Variants in CTLA4 observed in about 807,000 individuals in gnomAD.
The protein encoded by CTLA4 is cytotoxic T-lymphocyte associated protein 4, also known as cytotoxic T-lymphocyte protein 4.
In CTLA4, 3 loss-of-function variants were observed where a neutral mutation model predicts 20.4. That is an observed-to-expected ratio of 0.15 (90% CI 0.07 to 0.38). CTLA4 has a LOEUF of 0.38. Ranked by LOEUF, CTLA4 falls within the 10% of genes least tolerant of loss-of-function variation. CTLA4 has a pLI of 1.00. For missense variants in CTLA4, 184 were observed against 276.8 expected (o/e 0.66, Z 2.38); for synonymous variants, 100 against 105.2 (o/e 0.95, Z 0.30).
chr2:203,868,727 G>T (rs1231999562), intron 1 of CTLA4, among the ~76,000 whole-genome samples: 1 of 151,998 alleles, frequency 6.6e-6, no homozygotes, highest in East Asian at 1.9e-4. Context: ...CTTAATTGTT[G>T]CCTGACCTAC....
chr2:203,867,774 T>G lies in CTLA4; in HGVS notation c.-169T>G, dbSNP rs1688654101. On this transcript the variant is annotated 5_prime_UTR_variant, in exon 1 of 4. Transcript: ENST00000648405. ...CTCGTAAAACCAAAACAAAAAGGCTTTCTATTCAAGTGCCTTCTGTGTGTG... is the reference window on the plus strand; with the variant it reads ...CTCGTAAAACCAAAACAAAAAGGCTGTCTATTCAAGTGCCTTCTGTGTGTG... 1 of 476,562 alleles carries G rather than the reference T, an allele frequency of 2.1e-6. No individual in the cohort carries two copies. Among genetic ancestry groups the G allele is most frequent in the African/African-American group, 1.9e-5 (1 of 51,696 alleles). 29.5% of individuals were successfully genotyped at this position (476,562 alleles called of 1,614,324 possible).
At position 203,870,282 on chromosome 2, in the gene CTLA4, C is replaced by T. The variant is rs550168522; in HGVS notation, c.110-304C>T. ...AAGGACATGGGGGAAGTGTGACTTG[C>T]CCCAAATCACATATTTCATGGTAGA... On this transcript the variant is annotated intron_variant, in intron 1 of 3. Transcript: ENST00000648405. The surrounding 1 kb of genome is among the most constrained non-coding windows in gnomAD (Gnocchi z 5.3). 1.8e-4 allele frequency: 77 copies of T among 424,982 alleles called. No individual in the cohort carries two copies. In the South Asian group the frequency reaches 1.9e-3, roughly 11 times the overall value. The allele number at this position is 424,982 out of a possible 1,614,324, so 26.3% of individuals were successfully genotyped here. A position where few individuals can be genotyped will look rare whatever the true frequency, so the allele number is the denominator to read the frequency against.
chr2:203,870,274 G>T lies in CTLA4; in HGVS notation c.110-312G>T. 2.4e-6 allele frequency: 1 copy of T among 408,728 alleles called. No homozygotes were observed. Among genetic ancestry groups the T allele is most frequent in the Non-Finnish European group, 4.5e-6 (1 of 223,454 alleles). The allele number at this position is 408,728 out of a possible 1,614,324, so 25.3% of individuals were successfully genotyped here. A position where few individuals can be genotyped will look rare whatever the true frequency, so the allele number is the denominator to read the frequency against. On this transcript the variant is annotated intron_variant, in intron 1 of 3. Transcript: ENST00000648405. This position sits in a 1 kb window ranked among gnomAD's most constrained non-coding sequence, Gnocchi z 5.3. Reference sequence around the variant, plus strand: ...AAAAAATGAAGGACATGGGGGAAGTGTGACTTGCCCCAAATCACATATTTC... The same window carrying T: ...AAAAAATGAAGGACATGGGGGAAGTTTGACTTGCCCCAAATCACATATTTC...
Position 203,873,290 on chromosome 2 carries a change from T to C in CTLA4, c.*478T>C. The C allele has an allele frequency of 1.1e-5, 4 of 366,650 alleles. No individual in the cohort carries two copies. The highest frequency in any genetic ancestry group is 1.9e-5 in the Non-Finnish European group (4 of 208,342). The allele number at this position is 366,650 out of a possible 1,614,324, so 22.7% of individuals were successfully genotyped here. A position where few individuals can be genotyped will look rare whatever the true frequency, so the allele number is the denominator to read the frequency against. The stretch of plus-strand genomic sequence containing the variant: ...TTCAAAAATACTCACATGGCTATGT[T>C]TTAGCCAGTGATGCTAAAGGTTGTA... On this transcript the variant is annotated 3_prime_UTR_variant, in exon 4 of 4. Coordinates refer to ENST00000648405, the MANE Select transcript of CTLA4 (RefSeq NM_005214.5).
In CTLA4 at chr2:203,867,991, A is replaced by G. The variant is rs231775; in HGVS notation, c.49A>G (p.Thr17Ala). ...QRHKAQLNLA[T>A]RTWPCTLLFF... ...GCACAAGGCTCAGCTGAACCTGGCT[A>G]CCAGGACCTGGCCCTGCACTCTCCT... The change falls in exon 1 of 4, where the codon ACC (threonine) becomes GCC (alanine). Residue 17 changes from threonine to alanine, a missense_variant. Physicochemically the swap from Thr to Ala is moderately conservative, Grantham distance 58 (BLOSUM62 0). Around this residue, in one of 3 missense-constraint regions of CTLA4, gnomAD observed 35 missense variants for 36.6 expected, o/e 0.96. Transcript: ENST00000648405. 0.39 allele frequency: 634,759 copies of G among 1,613,082 alleles called. 128,827 individuals carry two copies. Among genetic ancestry groups the G allele is most frequent in the East Asian group, 0.64 (28,920 of 44,840 alleles).
chr2:203,872,566 TCTC>T lies in CTLA4; in HGVS notation c.568-139_568-137del. 6.5e-6 allele frequency: 3 copies of T among 459,998 alleles called. No homozygotes were observed. In the Admixed American group the frequency reaches 1.1e-4, roughly 17 times the overall value. 28.5% of individuals were successfully genotyped at this position (459,998 alleles called of 1,614,324 possible). A position where few individuals can be genotyped will look rare whatever the true frequency, so the allele number is the denominator to read the frequency against. On this transcript the variant is annotated intron_variant, in intron 3 of 3. Coordinates refer to ENST00000648405, the MANE Select transcript of CTLA4 (RefSeq NM_005214.5). ...AATTTTAATAGCTGAATCAAGAAAA[TCTC>T]CTGAGGTTTATAATTCTGTATGCTG...
intron 3 of CTLA4, 141 bp from the exon 4 acceptor site, chr2:203,872,567 C>A: frequency 2.1e-6 from 1 of 470,568 alleles, no homozygotes; most frequent in East Asian, 3.1e-5. Flanking sequence ...TCAAGAAAAT[C>A]TCCTGAGGTT....
At chr2:203,868,275 G>A (rs187201888) in intron 1 of CTLA4, among the ~76,000 whole-genome samples, 1 of 152,286 alleles carries the variant, frequency 6.6e-6, no homozygotes, top group Admixed American at 6.5e-5. Context: ...GTATTTAGTA[G>A]GGGCTTCATG....
rs963824682 is a variant in CTLA4, at chr2:203,871,435, C to T, written c.515C>T (p.Ser172Leu). 1.5e-5 allele frequency: 25 copies of T among 1,614,006 alleles called. No homozygotes were observed. Among genetic ancestry groups the T allele is most frequent in the African/African-American group, 5.3e-5 (4 of 74,906 alleles). ...CTCTGGATCCTTGCAGCAGTTAGTT[C>T]GGGGTTGTTTTTTTATAGCTTTCTC... ...FLLWILAAVS[S>L]GLFFYSFLLT... The change falls in exon 3 of 4, where the codon TCG becomes TTG. Residue 172 changes from serine (S) to leucine (L), a missense_variant. Transcript: ENST00000648405.
At position 203,873,226 on chromosome 2, in the gene CTLA4, C is replaced by G. The variant is rs987597018; in HGVS notation, c.*414C>G. ...TGATCTTTTCAAGTTAAATTTTATG[C>G]CTTTTATTTCTTAAACAAATGTATG... On this transcript the variant is annotated 3_prime_UTR_variant, in exon 4 of 4. Transcript: ENST00000648405. The G allele has an allele frequency of 2.5e-6, 1 of 401,474 alleles. No homozygotes were observed. Among genetic ancestry groups the G allele is most frequent in the East Asian group, 3.5e-5 (1 of 28,250 alleles). 24.9% of individuals were successfully genotyped at this position (401,474 alleles called of 1,614,324 possible). A position where few individuals can be genotyped will look rare whatever the true frequency, so the allele number is the denominator to read the frequency against.
chr2:203,869,025 G>A (rs553452906), intron 1 of CTLA4, among the ~76,000 whole-genome samples: 6 of 152,284 alleles, frequency 3.9e-5, no homozygotes, highest in African/African-American at 1.4e-4. Flanking sequence ...ATTTCCTAAA[G>A]TAAATTTATC....
rs775877536 is a variant in CTLA4 at position 203,870,728 on chromosome 2, CTG to C, written c.255_256del (p.Ala86GlyfsTer8). On this transcript the variant is annotated frameshift_variant, in exon 2 of 4. Transcript: ENST00000648405. LOFTEE classifies it high-confidence loss of function. The surrounding 1 kb of genome is among the most constrained non-coding windows in gnomAD (Gnocchi z 5.3). ...AGGCTGACAGCCAGGTGACTGAAGT[CTG>C]TGCGGCAACCTACATGATGGGGAAT... is the stretch of plus-strand genomic sequence containing the variant. The part of the protein sequence containing the change: ...RQADSQVTEV[C>X]AATYMMGNEL... 1 of 1,614,196 alleles carries C rather than the reference CTG, an allele frequency of 6.2e-7. No homozygotes were observed. The highest frequency in any genetic ancestry group is 8.5e-7 in the Non-Finnish European group (1 of 1,180,034).
chr2:203,870,565 C>T lies in CTLA4; in HGVS notation c.110-21C>T. 1 of 1,609,068 alleles carries T rather than the reference C, an allele frequency of 6.2e-7. No individual in the cohort carries two copies. The highest frequency in any genetic ancestry group is 1.7e-5 in the Admixed American group (1 of 59,904). On this transcript the variant is annotated intron_variant, in intron 1 of 3. Coordinates refer to ENST00000648405, the MANE Select transcript of CTLA4 (RefSeq NM_005214.5). The surrounding 1 kb of genome is among the most constrained non-coding windows in gnomAD (Gnocchi z 5.3). ...GAAGGAGCATGAGTTCACTGAGTTC[C>T]CTTTGGCTTTTCCATGCTAGCAATG...
At chr2:203,871,591 G>T in intron 3 of CTLA4, 104 bp downstream of exon 3, 2 of 900,590 alleles carry the variant, frequency 2.2e-6, no homozygotes, top group Admixed American at 1.8e-5. Flanking sequence ...GATGAGATGA[G>T]GCAATAAATG....
At chr2:203,872,619 G>A in intron 3 of CTLA4, 89 bp from the exon 4 acceptor site, 1 of 734,198 alleles carries the variant, frequency 1.4e-6, no homozygotes, top group Non-Finnish European at 2.4e-6. Context: ...TAACCAGCTA[G>A]GGACCCAATA....
chr2:203,873,648 C>T lies in CTLA4; in HGVS notation c.*836C>T, dbSNP rs900301761. The T allele has an allele frequency of 4.6e-6, 1 of 219,432 alleles. No homozygotes were observed. The highest frequency in any genetic ancestry group is 6.7e-5 in the East Asian group (1 of 14,846). The allele number at this position is 219,432 out of a possible 1,614,324, so 13.6% of individuals were successfully genotyped here. A position where few individuals can be genotyped will look rare whatever the true frequency, so the allele number is the denominator to read the frequency against. ...GTGCTTTGGGGCTTTTACACCAGTT[C>T]CTTTCAATGGTTTGCAAGGAAGCCA... On this transcript the variant is annotated 3_prime_UTR_variant, in exon 4 of 4. Transcript: ENST00000648405.
intron 1 of CTLA4, among the ~76,000 whole-genome samples, chr2:203,868,600 TAATC>T (rs1360681764): frequency 7.2e-5 from 11 of 152,052 alleles, no homozygotes; most frequent in African/African-American, 2.7e-4. Context: ...AAGGTTCTCT[TAATC>T]AATTCTACTA....
rs983893214 is a variant in CTLA4, at chr2:203,870,363, A to T, written c.110-223A>T. 1.7e-5 allele frequency: 10 copies of T among 575,376 alleles called. No homozygotes were observed. The highest frequency in any genetic ancestry group is 1.7e-4 in the African/African-American group (9 of 53,278). 35.6% of individuals were successfully genotyped at this position (575,376 alleles called of 1,614,324 possible). On this transcript the variant is annotated intron_variant, in intron 1 of 3. Coordinates refer to ENST00000648405, the MANE Select transcript of CTLA4 (RefSeq NM_005214.5). This position sits in a 1 kb window ranked among gnomAD's most constrained non-coding sequence, Gnocchi z 5.3. ...CTTCCTGCCACAACCATCTTGAAGA[A>T]TCTATTTCTCAGTAAGAAAATATCT... is the stretch of plus-strand genomic sequence containing the variant.
chr2:203,870,480 G>C lies in CTLA4; in HGVS notation c.110-106G>C. 1 of 1,197,168 alleles carries C rather than the reference G, an allele frequency of 8.4e-7. No individual in the cohort carries two copies. The highest frequency in any genetic ancestry group is 1.2e-6 in the Non-Finnish European group (1 of 846,622). 74.2% of individuals were successfully genotyped at this position (1,197,168 alleles called of 1,614,324 possible). A position where few individuals can be genotyped will look rare whatever the true frequency, so the allele number is the denominator to read the frequency against. On this transcript the variant is annotated intron_variant, in intron 1 of 3. Coordinates refer to ENST00000648405, the MANE Select transcript of CTLA4 (RefSeq NM_005214.5). The surrounding 1 kb of genome is among the most constrained non-coding windows in gnomAD (Gnocchi z 5.3). ...GGTAAGTGATAGATTCGTTGAAGGG[G>C]GGAGAAAAGGCCGTGGGGATGAAGC...
Sources: gnomAD v4.1 joint callset for allele counts (sites outside exome capture counted in the v4.1 genomes callset) on GRCh38, gnomAD v4.1.1 for gene constraint, gnomAD v4.1.1 regional missense constraint, Gnocchi (gnomAD v3.1) non-coding constraint, MANE v1.5 for transcripts, NCBI Gene and HGNC (gene_info 2026-07-23, HGNC 2026-07-21) for gene names.